The following PRORP variants were observed in gnomAD, a reference collection of about 807,000 sequenced individuals.
PRORP encodes mitochondrial ribonuclease P catalytic subunit.
In PRORP, 51 loss-of-function variants were observed where a neutral mutation model predicts 59.4. The observed-to-expected ratio is 0.86, with a 90% CI of 0.69 to 1.08. PRORP has a LOEUF of 1.08. Ranked by LOEUF, PRORP falls within the 50% of genes least tolerant of loss-of-function variation. The pLI is 0.00. For missense variants in PRORP, 646 were observed against 690.3 expected (o/e 0.94, Z 0.72); for synonymous variants, 231 against 245.6 (o/e 0.94, Z 0.55).
intron 5 of PRORP, among the ~76,000 whole-genome samples, chr14:35,244,868 C>T (rs1352378360): frequency 6.6e-6 from 1 of 152,140 alleles, no homozygotes; most frequent in Non-Finnish European, 1.5e-5. Context: ...AATTTTCTTG[C>T]TTTTCATTGT....
intron 5 of PRORP, among the ~76,000 whole-genome samples, chr14:35,256,886 T>TAAAC (rs2050775031): frequency 6.7e-6 from 1 of 149,008 alleles, no homozygotes; most frequent in Non-Finnish European, 1.5e-5. Context: ...TTTTTTTTCT[T>TAAAC]TTTTGAGACC....
chr14:35,145,578 G>C (rs981649740), intron 4 of PRORP, among the ~76,000 whole-genome samples: 1 of 140,440 alleles, frequency 7.1e-6, no homozygotes, highest in Non-Finnish European at 1.6e-5. Context: ...AAATTAGCTG[G>C]GCATGGTGGC....
intron 5 of PRORP, among the ~76,000 whole-genome samples, chr14:35,208,089 G>T (rs540462090): frequency 3.9e-5 from 6 of 151,900 alleles, no homozygotes; most frequent in Admixed American, 2.6e-4. Flanking sequence ...GGCAGAGGTT[G>T]CAGTGAGCCG....
intron 5 of PRORP, among the ~76,000 whole-genome samples, chr14:35,194,709 A>G (rs1466344941): frequency 6.6e-6 from 1 of 152,164 alleles, no homozygotes; most frequent in East Asian, 1.9e-4. Context: ...AAAAAGTCAA[A>G]AAGTGCAACC....
chr14:35,147,248 T>G (rs901625058), intron 4 of PRORP, among the ~76,000 whole-genome samples: 1 of 151,642 alleles, frequency 6.6e-6, no homozygotes, highest in African/African-American at 2.4e-5. Context: ...TTCAGCAAGT[T>G]GTAATCTTTT....
rs79990632 is a variant in PRORP at position 35,205,603 on chromosome 14, T to C, written c.1275+24826T>C. On this transcript the variant is annotated intron_variant, in intron 5 of 7. Transcript: ENST00000534898. ...TTCCATAGTGTTGAGATTAAAGGCA[T>C]GACCCACCATACCCAGTGATATCTG... is the stretch of plus-strand genomic sequence containing the variant. Among the ~76,000 whole-genome samples, 316 of 152,082 alleles carry C rather than the reference T, an allele frequency of 2.1e-3. 4 individuals carry two copies. The highest frequency in any genetic ancestry group is 7.4e-3 in the African/African-American group (306 of 41,326).
At position 35,131,384 on chromosome 14, in the gene PRORP, A is replaced by C. The variant is rs1020948046; in HGVS notation, c.1167+3773A>C. 2.6e-5 allele frequency among the ~76,000 whole-genome samples: 4 copies of C among 152,324 alleles called. No homozygotes were observed. In the South Asian group the frequency reaches 8.3e-4, roughly 32 times the overall value. On this transcript the variant is annotated intron_variant, in intron 4 of 7. Coordinates refer to ENST00000534898, the MANE Select transcript of PRORP (RefSeq NM_014672.4). ...GAAGGATATTTTCACTGCATATACT[A>C]TTCTGGGGTAAAAGTGTTTTTCCTT...
Position 35,201,572 on chromosome 14 carries a change from A to AT in PRORP, c.1275+20804dup, listed in dbSNP as rs869080506. Among the ~76,000 whole-genome samples the AT allele has an allele frequency of 4.8e-5, 5 of 103,396 alleles. No homozygotes were observed. The East Asian group carries it at 1.2e-3, about 24-fold the overall frequency. 67.8% of individuals were successfully genotyped at this position (103,396 alleles called of 152,430 possible). Reference sequence around the variant, plus strand: ...TGTAGGTGTTTTTTGTTTCTTTATTATTTTTTTTTAGTACTTCCTTACTCT... The same window carrying AT: ...TGTAGGTGTTTTTTGTTTCTTTATTATTTTTTTTTTAGTACTTCCTTACTCT... On this transcript the variant is annotated intron_variant, in intron 5 of 7. Transcript: ENST00000534898.
At chr14:35,210,135 A>G (rs1013424053) in intron 5 of PRORP, among the ~76,000 whole-genome samples, 3 of 152,214 alleles carry the variant, frequency 2.0e-5, no homozygotes, top group Non-Finnish European at 2.9e-5. Context: ...AAAACTGCAC[A>G]CATACTCACA....
At chr14:35,128,053 A>G (rs1295088871) in intron 4 of PRORP, among the ~76,000 whole-genome samples, 1 of 152,196 alleles carries the variant, frequency 6.6e-6, no homozygotes, top group Non-Finnish European at 1.5e-5. Context: ...GTTTCTCACA[A>G]CTTTTCTAGT....
At chr14:35,259,011 A>AT (rs1181958810) in intron 5 of PRORP, among the ~76,000 whole-genome samples, 4 of 152,002 alleles carry the variant, frequency 2.6e-5, no homozygotes, top group African/African-American at 9.7e-5. Flanking sequence ...ATGCTTGCTG[A>AT]TTTTCTGTCC....
At chr14:35,226,991 C>G (rs977704310) in intron 5 of PRORP, among the ~76,000 whole-genome samples, 1 of 151,880 alleles carries the variant, frequency 6.6e-6, no homozygotes, top group Non-Finnish European at 1.5e-5. Flanking sequence ...CCGCCTCTGT[C>G]TCCCAAAGTT....
At chr14:35,204,312 T>C (rs965560544) in intron 5 of PRORP, among the ~76,000 whole-genome samples, 2 of 152,176 alleles carry the variant, frequency 1.3e-5, no homozygotes, top group Non-Finnish European at 2.9e-5. Flanking sequence ...AAACCTAACA[T>C]TTAATTTTAT....
chr14:35,216,018 C>G (rs907564657), intron 5 of PRORP, among the ~76,000 whole-genome samples: 6 of 151,086 alleles, frequency 4.0e-5, no homozygotes, highest in African/African-American at 7.3e-5. Context: ...CCACCTGCCT[C>G]GGCCTCCCAA....
chr14:35,260,864 A>G (rs930524525), intron 5 of PRORP, among the ~76,000 whole-genome samples: 2 of 152,172 alleles, frequency 1.3e-5, no homozygotes, highest in African/African-American at 4.8e-5. Context: ...GCACTCAATA[A>G]AGATCCTCCT....
chr14:35,194,428 C>G (rs142747345), intron 5 of PRORP, among the ~76,000 whole-genome samples: 18 of 152,228 alleles, frequency 1.2e-4, no homozygotes, highest in African/African-American at 4.1e-4. Flanking sequence ...CAAACTAACA[C>G]AGGAACAGAA....
At chr14:35,124,374 C>A in intron 2 of PRORP, 143 bp downstream of exon 2, 1 of 472,874 alleles carries the variant, frequency 2.1e-6, no homozygotes, top group Non-Finnish European at 3.6e-6. Context: ...CTCAAGTGAT[C>A]CTCTCGCTTC....
intron 5 of PRORP, among the ~76,000 whole-genome samples, chr14:35,229,010 CATT>C (rs1238683043): frequency 6.6e-6 from 1 of 152,134 alleles, no homozygotes; most frequent in Non-Finnish European, 1.5e-5. Context: ...GATGGGATCT[CATT>C]ATGGTTTTGA....
At chr14:35,253,721 G>A (rs560051030) in intron 5 of PRORP, among the ~76,000 whole-genome samples, 23 of 152,186 alleles carry the variant, frequency 1.5e-4, no homozygotes, top group African/African-American at 4.6e-4. Flanking sequence ...TGGTGTCCCC[G>A]TAGCACTGGT....
Sources: gnomAD v4.1 joint callset for allele counts (sites outside exome capture counted in the v4.1 genomes callset) on GRCh38, gnomAD v4.1.1 for gene constraint, MANE v1.5 for transcripts, NCBI Gene and HGNC (gene_info 2026-07-23, HGNC 2026-07-21) for gene names.